Variants in JAG1 observed in about 807,000 individuals in gnomAD.
JAG1 encodes jagged canonical Notch ligand 1.
In JAG1, 23 loss-of-function variants were observed where a neutral mutation model predicts 148.7. The observed-to-expected ratio is 0.15, with a 90% CI of 0.11 to 0.22. The LOEUF is 0.22. JAG1 is among the 10% of genes least tolerant of loss of function. The probability of loss-of-function intolerance (pLI) is 1.00; values close to 1 mark genes in which losing one functional copy is unlikely to be tolerated. For synonymous variants in JAG1, 572 were observed against 598.3 expected (o/e 0.96, Z 0.64); for missense variants, 1,054 against 1,611.2 (o/e 0.65, Z 5.92).
Position 10,665,874 on chromosome 20 carries a change from T to C in JAG1, c.388-1860A>G, listed in dbSNP as rs542882692. Among the ~76,000 whole-genome samples the C allele has an allele frequency of 2.6e-5, 4 of 152,180 alleles. No homozygotes were observed. The South Asian group carries it at 8.3e-4, about 32-fold the overall frequency. ...ACTCAAAGAGGAAAGCATCCTTAGG[T>C]CTTGCACAAGAACTTGGACGACCAA... On this transcript the variant is annotated intron_variant, in intron 2 of 25. Coordinates refer to ENST00000254958, the MANE Select transcript of JAG1 (RefSeq NM_000214.3).
At chr20:10,669,085 A>G (rs2122639598) in intron 2 of JAG1, among the ~76,000 whole-genome samples, 2 of 152,282 alleles carry the variant, frequency 1.3e-5, no homozygotes, top group South Asian at 4.1e-4. Flanking sequence ...TGGAGCAGCT[A>G]TTCTGCAGAT....
intron 25 of JAG1, among the ~76,000 whole-genome samples, chr20:10,640,519 C>G (rs946691731): frequency 6.6e-6 from 1 of 152,196 alleles, no homozygotes; most frequent in Non-Finnish European, 1.5e-5. Flanking sequence ...AAGCAGTGTC[C>G]TAGGGCTTTG....
In JAG1 at chr20:10,641,149, A is replaced by G; in HGVS notation, c.3012T>C (p.Pro1004=). The G allele has an allele frequency of 6.2e-7, 1 of 1,614,090 alleles. No individual in the cohort carries two copies. The highest frequency in any genetic ancestry group is 8.5e-7 in the Non-Finnish European group (1 of 1,180,038). ...AEYSIYIACE[P]SPSANNEIHV... ...GTATTTCATTGTTCGCTGAAGGGGA[A>G]GGCTCGCAAGCGATGTAGATTGAAT... The change falls in exon 24 of 26, where the codon CCT becomes CCC. Residue 1004 remains proline (P), a synonymous_variant. Coordinates refer to ENST00000254958, the MANE Select transcript of JAG1 (RefSeq NM_000214.3).
In JAG1 at chr20:10,656,515, G is replaced by T. The variant is rs1282432818; in HGVS notation, c.695-57C>A. ...ACTGCCTGTTCCTTGCATCGCCCCGGTCATGAGAATGGCCCATTGCATTAA... is the reference window on the plus strand; with the variant it reads ...ACTGCCTGTTCCTTGCATCGCCCCGTTCATGAGAATGGCCCATTGCATTAA... On this transcript the variant is annotated intron_variant, in intron 4 of 25. Coordinates refer to ENST00000254958, the MANE Select transcript of JAG1 (RefSeq NM_000214.3). 2.0e-5 allele frequency: 29 copies of T among 1,458,354 alleles called. No individual in the cohort carries two copies. The East Asian group carries it at 5.4e-4, about 27-fold the overall frequency. 90.3% of individuals were successfully genotyped at this position (1,458,354 alleles called of 1,614,324 possible). A position where few individuals can be genotyped will look rare whatever the true frequency, so the allele number is the denominator to read the frequency against.
intron 6 of JAG1, 100 bp from the exon 7 acceptor site, chr20:10,652,350 A>C (rs1600185939): frequency 6.3e-7 from 1 of 1,597,018 alleles, no homozygotes; most frequent in Admixed American, 1.7e-5. Context: ...AAACCAGAAA[A>C]CCCACACAGC....
At chr20:10,670,510 C>A (rs935974136) in intron 2 of JAG1, among the ~76,000 whole-genome samples, 1 of 152,176 alleles carries the variant, frequency 6.6e-6, no homozygotes, top group Non-Finnish European at 1.5e-5. Context: ...TAGTTAAATA[C>A]TCGCTCAGCT....
In JAG1 at chr20:10,673,639, C is replaced by G. The variant is rs1246863892; in HGVS notation, c.-109G>C. 5 of 406,108 alleles carry G rather than the reference C, an allele frequency of 1.2e-5. No individual in the cohort carries two copies. The highest frequency in any genetic ancestry group is 5.1e-5 in the Admixed American group (1 of 19,626). The allele number at this position is 406,108 out of a possible 1,614,324, so 25.2% of individuals were successfully genotyped here. A position where few individuals can be genotyped will look rare whatever the true frequency, so the allele number is the denominator to read the frequency against. On this transcript the variant is annotated 5_prime_UTR_variant, in exon 1 of 26. Coordinates refer to ENST00000254958, the MANE Select transcript of JAG1 (RefSeq NM_000214.3). This position sits in a 1 kb window ranked among gnomAD's most constrained non-coding sequence, Gnocchi z 4.7. ...CCCCTGCGGCCGCCGCGTCCCGGCT[C>G]TAATATACTCCGCCGATTGGAGCAT...
chr20:10,641,432 CA>C lies in JAG1; in HGVS notation c.2916+27del, dbSNP rs3215563. ...AGCAAGCAAGCAGACATCCACCATTCAAAAAAAAAACAAAGGTTGTTACATA... is the reference window on the plus strand; with the variant it reads ...AGCAAGCAAGCAGACATCCACCATTCAAAAAAAAACAAAGGTTGTTACATA... On this transcript the variant is annotated intron_variant, in intron 23 of 25. Coordinates refer to ENST00000254958, the MANE Select transcript of JAG1 (RefSeq NM_000214.3). 0.28 allele frequency: 415,648 copies of C among 1,510,036 alleles called. 54,502 individuals carry two copies. Among genetic ancestry groups the C allele is most frequent in the Admixed American group, 0.35 (20,524 of 58,492 alleles). The allele number at this position is 1,510,036 out of a possible 1,614,324, so 93.5% of individuals were successfully genotyped here.
Position 10,645,873 on chromosome 20 carries a change from A to C in JAG1, c.1999+98T>G. ...CAGAAATCACTGCGGTCTTGCTTCC[A>C]GAGATTTCCAGTACAAAGAAAGTTT... On this transcript the variant is annotated intron_variant, in intron 15 of 25. Coordinates refer to ENST00000254958, the MANE Select transcript of JAG1 (RefSeq NM_000214.3). This position sits in a 1 kb window ranked among gnomAD's most constrained non-coding sequence, Gnocchi z 6.1. 1 of 871,464 alleles carries C rather than the reference A, an allele frequency of 1.1e-6. No individual in the cohort carries two copies. Among genetic ancestry groups the C allele is most frequent in the Non-Finnish European group, 2.0e-6 (1 of 505,742 alleles). The allele number at this position is 871,464 out of a possible 1,614,324, so 54.0% of individuals were successfully genotyped here.
chr20:10,656,985 A>G (rs1162736281), intron 4 of JAG1, among the ~76,000 whole-genome samples: 2 of 152,104 alleles, frequency 1.3e-5, no homozygotes, highest in Admixed American at 6.5e-5. Flanking sequence ...TCTGGTGGCC[A>G]GATCTGGTGA....
At chr20:10,665,317 GCC>G (rs2067445987) in intron 2 of JAG1, among the ~76,000 whole-genome samples, 1 of 152,192 alleles carries the variant, frequency 6.6e-6, no homozygotes, top group African/African-American at 2.4e-5. Context: ...TTGGAATTCA[GCC>G]GAAATATGTT....
chr20:10,641,931 G>A (rs758211886), intron 21 of JAG1, 39 bp from the exon 22 acceptor site: 3 of 1,349,074 alleles, frequency 2.2e-6, no homozygotes, highest in Non-Finnish European at 3.2e-6. Context: ...ATTTTTCTGT[G>A]AACCGGATCG....
At chr20:10,666,769 T>G (rs1163735649) in intron 2 of JAG1, among the ~76,000 whole-genome samples, 1 of 152,202 alleles carries the variant, frequency 6.6e-6, no homozygotes, top group Non-Finnish European at 1.5e-5. Flanking sequence ...TGGTTCCCAT[T>G]CTGGTGTGGC....
rs766386395 is a variant in JAG1 at position 10,641,557 on chromosome 20, C to T, written c.2819G>A (p.Ser940Asn). The change falls in exon 23 of 26, where the codon AGT becomes AAT. Residue 940 changes from serine to asparagine, a missense_variant. Physicochemically the swap from Ser to Asn is conservative, Grantham distance 46. Around this residue, in one of 6 missense-constraint regions of JAG1, gnomAD observed 342 missense variants for 514.6 expected, o/e 0.66. Coordinates refer to ENST00000254958, the MANE Select transcript of JAG1 (RefSeq NM_000214.3). ...GCACTTTGTCTTCACCGGCTGGAGA[C>T]TGGAAGACCGACACTCGCCCACACC... ...CTGVGECRSSSLQPVKTKCTS... is the reference protein window; with the variant it reads ...CTGVGECRSSNLQPVKTKCTS... 7 of 1,614,222 alleles carry T rather than the reference C, an allele frequency of 4.3e-6. No homozygotes were observed. Among genetic ancestry groups the T allele is most frequent in the Non-Finnish European group, 5.9e-6 (7 of 1,180,042 alleles).
chr20:10,644,499 C>A lies in JAG1; in HGVS notation c.2345-115G>T, dbSNP rs2122601748. On this transcript the variant is annotated intron_variant, in intron 18 of 25. Transcript: ENST00000254958. ...CCAAATGATAAAGTCGTAGTTAACA[C>A]CAGCAAAATACCTTTGCTAAATTGG... 7 of 820,896 alleles carry A rather than the reference C, an allele frequency of 8.5e-6. No individual in the cohort carries two copies. In the South Asian group the frequency reaches 1.0e-4, roughly 12 times the overall value. 50.9% of individuals were successfully genotyped at this position (820,896 alleles called of 1,614,324 possible). A position where few individuals can be genotyped will look rare whatever the true frequency, so the allele number is the denominator to read the frequency against.
chr20:10,657,329 G>A (rs2067385266), intron 4 of JAG1, among the ~76,000 whole-genome samples: 1 of 142,698 alleles, frequency 7.0e-6, no homozygotes, highest in Non-Finnish European at 1.5e-5. Flanking sequence ...CATCATGGGT[G>A]ACAAAGTGAG....
In JAG1 at chr20:10,645,866, T is replaced by C; in HGVS notation, c.1999+105A>G. The C allele has an allele frequency of 1.2e-6, 1 of 839,324 alleles. No homozygotes were observed. The highest frequency in any genetic ancestry group is 1.3e-5 in the South Asian group (1 of 75,380). 52.0% of individuals were successfully genotyped at this position (839,324 alleles called of 1,614,324 possible). On this transcript the variant is annotated intron_variant, in intron 15 of 25. Coordinates refer to ENST00000254958, the MANE Select transcript of JAG1 (RefSeq NM_000214.3). This position sits in a 1 kb window ranked among gnomAD's most constrained non-coding sequence, Gnocchi z 6.1. ...CCCAGTGCAGAAATCACTGCGGTCT[T>C]GCTTCCAGAGATTTCCAGTACAAAG...
chr20:10,648,199 A>C (rs2067322469), intron 12 of JAG1, 89 bp from the exon 13 acceptor site: 1 of 1,482,356 alleles, frequency 6.7e-7, no homozygotes, highest in African/African-American at 1.4e-5. Flanking sequence ...AGGCACTGGA[A>C]TCTGACAGTT....
intron 25 of JAG1, among the ~76,000 whole-genome samples, chr20:10,640,219 C>T (rs2122594040): frequency 6.6e-6 from 1 of 152,354 alleles, no homozygotes; most frequent in Middle Eastern, 3.4e-3. Flanking sequence ...TTTGACTTCG[C>T]ATGGGGAGAG....
Sources: gnomAD v4.1 joint callset for allele counts (sites outside exome capture counted in the v4.1 genomes callset) on GRCh38, gnomAD v4.1.1 for gene constraint, gnomAD v4.1.1 regional missense constraint, Gnocchi (gnomAD v3.1) non-coding constraint, MANE v1.5 for transcripts, NCBI Gene and HGNC (gene_info 2026-07-23, HGNC 2026-07-21) for gene names.